The following DYSF variants were observed in gnomAD, a reference collection of about 807,000 sequenced individuals.
DYSF encodes dystrophy-associated fer-1-like 1.
Under a neutral mutation model 274.9 loss-of-function variants are expected in DYSF, and 212 were observed. The observed-to-expected ratio is 0.77, with a 90% CI of 0.69 to 0.86. The LOEUF (loss-of-function observed/expected upper bound fraction) is 0.86. DYSF is among the 40% of genes least tolerant of loss of function. The pLI, the probability that DYSF is intolerant of heterozygous loss-of-function variation, is 0.00. For missense variants in DYSF, 2,666 were observed against 2,783.2 expected (o/e 0.96, Z 0.95); for synonymous variants, 1,091 against 1,078.7 (o/e 1.01, Z -0.22).
chr2:71,615,933 G>C lies in DYSF; in HGVS notation c.4464+2523G>C, dbSNP rs58344325. ...TGCTGGATGTGTTCACTGTGTCCTG[G>C]CTGTGGTCCTAGGACCCCTCCTAGC... is the stretch of plus-strand genomic sequence containing the variant. On this transcript the variant is annotated intron_variant, in intron 40 of 55. Coordinates refer to ENST00000410020, the MANE Select transcript of DYSF (RefSeq NM_001130987.2). This position sits in a 1 kb window ranked among gnomAD's most constrained non-coding sequence, Gnocchi z 4.9. Among the ~76,000 whole-genome samples, 3,557 of 152,278 alleles carry C rather than the reference G, an allele frequency of 0.023. 49 individuals are homozygous for C. Among genetic ancestry groups the C allele is most frequent in the Non-Finnish European group, 0.027 (1,856 of 68,026 alleles).
rs370926761 is a variant in DYSF, at chr2:71,654,061, A to G, written c.4627-2101A>G. ...ACCAAGAAGTCTCTCAAATCACCAC[A>G]GAACAGAAAACAAACACCAACAGAT... On this transcript the variant is annotated intron_variant, in intron 42 of 55. Coordinates refer to ENST00000410020, the MANE Select transcript of DYSF (RefSeq NM_001130987.2). Among the ~76,000 whole-genome samples the G allele has an allele frequency of 2.0e-4, 30 of 152,340 alleles. No homozygotes were observed. The South Asian group carries it at 6.0e-3, about 31-fold the overall frequency.
In DYSF at chr2:71,600,560, A is replaced by G. The variant is rs895328396; in HGVS notation, c.3757-142A>G. ...CCTTGAGTCCTGCTAAGGAGAGCAG[A>G]ATTCACCATTCTGTGGGAGGGGGTG... On this transcript the variant is annotated intron_variant, in intron 33 of 55. Transcript: ENST00000410020. 5 of 1,183,806 alleles carry G rather than the reference A, an allele frequency of 4.2e-6. No homozygotes were observed. In the East Asian group the frequency reaches 1.2e-4, roughly 28 times the overall value. The allele number at this position is 1,183,806 out of a possible 1,614,324, so 73.3% of individuals were successfully genotyped here. A position where few individuals can be genotyped will look rare whatever the true frequency, so the allele number is the denominator to read the frequency against.
intron 42 of DYSF, among the ~76,000 whole-genome samples, chr2:71,648,541 TA>T (rs57928764): frequency 0.85 from 128,931 of 152,068 alleles, 54,803 homozygotes; most frequent in Middle Eastern, 0.9. Context: ...ACCAAAATAG[TA>T]AAAAAAATTA....
intron 24 of DYSF, among the ~76,000 whole-genome samples, chr2:71,567,025 C>G (rs889135127): frequency 6.6e-6 from 1 of 152,218 alleles, no homozygotes; most frequent in African/African-American, 2.4e-5. Context: ...CTGCTCTGAG[C>G]TCATGACACT....
chr2:71,658,799 T>G, intron 43 of DYSF, 79 bp from the exon 44 acceptor site: 1 of 1,572,450 alleles, frequency 6.4e-7, no homozygotes, highest in Non-Finnish European at 8.7e-7. Context: ...ACAATTCAAG[T>G]TGAGATTTGG....
intron 1 of DYSF, among the ~76,000 whole-genome samples, chr2:71,455,038 T>C (rs11888686): frequency 0.098 from 14,990 of 152,218 alleles, 1,481 homozygotes; most frequent in African/African-American, 0.25. Flanking sequence ...GAGATCTGAC[T>C]TCTAACTACA....
At chr2:71,561,145 AC>A (rs1025770768) in intron 22 of DYSF, among the ~76,000 whole-genome samples, 1 of 151,638 alleles carries the variant, frequency 6.6e-6, no homozygotes, top group African/African-American at 2.4e-5. Flanking sequence ...CATTGCATGT[AC>A]CCCCCACCTC....
chr2:71,566,197 CG>C (rs1264851438), intron 24 of DYSF, among the ~76,000 whole-genome samples: 1 of 81,246 alleles, frequency 1.2e-5, no homozygotes, highest in Non-Finnish European at 2.3e-5. Flanking sequence ...TGGGGCTGAC[CG>C]GGGAAGGCGG....
chr2:71,552,819 G>C (rs1311001594), intron 19 of DYSF, among the ~76,000 whole-genome samples, 192 bp from the exon 20 acceptor site: 2 of 152,224 alleles, frequency 1.3e-5, no homozygotes, highest in Non-Finnish European at 2.9e-5. Flanking sequence ...ATGCAGACCT[G>C]GAATGAGCTT....
At chr2:71,548,497 A>G (rs996021207) in intron 17 of DYSF, among the ~76,000 whole-genome samples, 3 of 152,198 alleles carry the variant, frequency 2.0e-5, no homozygotes, top group Non-Finnish European at 4.4e-5. Context: ...GGAAGATCAG[A>G]TTTGGGAAGA....
chr2:71,681,029 T>C lies in DYSF; in HGVS notation c.6092T>C (p.Val2031Ala). The part of the protein sequence containing the change: ...AGKLEMTLEI[V>A]AESEHEERPA... ...AAGCTGGAAATGACCTTGGAGATTG[T>C]AGCAGAGAGTGAGCATGAGGAGCGG... Residue 2031 changes from valine (V) to alanine (A), a missense_variant, in exon 54 of 56, where the codon GTA becomes GCA. Val to Ala is a moderately conservative substitution (Grantham distance 64, BLOSUM62 0). Transcript: ENST00000410020. The C allele has an allele frequency of 6.2e-7, 1 of 1,614,198 alleles. No homozygotes were observed. Among genetic ancestry groups the C allele is most frequent in the Non-Finnish European group, 8.5e-7 (1 of 1,180,038 alleles).
intron 3 of DYSF, among the ~76,000 whole-genome samples, chr2:71,491,119 A>C (rs569347440): frequency 1.3e-5 from 2 of 152,326 alleles, no homozygotes; most frequent in Admixed American, 6.5e-5. Flanking sequence ...AGAACGGACC[A>C]AAAAAAGTTG....
chr2:71,685,473 C>T (rs1019331034), intron 55 of DYSF, among the ~76,000 whole-genome samples: 2 of 152,216 alleles, frequency 1.3e-5, no homozygotes, highest in African/African-American at 4.8e-5. Flanking sequence ...TTCATTTGGC[C>T]AGTACCAGAT....
At chr2:71,500,537 C>T (rs2084877155) in intron 3 of DYSF, among the ~76,000 whole-genome samples, 1 of 152,080 alleles carries the variant, frequency 6.6e-6, no homozygotes, top group Non-Finnish European at 1.5e-5. Flanking sequence ...CAAGAGGCAC[C>T]CCAGGCTGGC....
intron 39 of DYSF, among the ~76,000 whole-genome samples, 155 bp from the exon 40 acceptor site, chr2:71,613,179 G>T (rs2093805091): frequency 6.6e-6 from 1 of 152,050 alleles, no homozygotes; most frequent in African/African-American, 2.4e-5. Flanking sequence ...ATGAGAGAGG[G>T]ACTTATTGGG....
chr2:71,516,940 G>C, intron 9 of DYSF, 49 bp from the exon 10 acceptor site: 1 of 1,585,516 alleles, frequency 6.3e-7, no homozygotes. Flanking sequence ...TTGGCCGTGT[G>C]GGCCACATGT....
chr2:71,458,559 C>T (rs1171708772), intron 1 of DYSF, among the ~76,000 whole-genome samples: 2 of 152,222 alleles, frequency 1.3e-5, no homozygotes, highest in Non-Finnish European at 2.9e-5. Flanking sequence ...GTGGCCCTCA[C>T]TGGGGTACTT....
intron 41 of DYSF, among the ~76,000 whole-genome samples, chr2:71,633,235 G>A (rs969577630): frequency 6.6e-6 from 1 of 152,228 alleles, no homozygotes; most frequent in South Asian, 2.1e-4. Context: ...GGTATACACA[G>A]GGTGGAGTAG....
chr2:71,488,394 C>T (rs1360360315), intron 3 of DYSF, among the ~76,000 whole-genome samples: 1 of 152,088 alleles, frequency 6.6e-6, no homozygotes, highest in African/African-American at 2.4e-5. Context: ...TCCATGGGGT[C>T]AAAACATCCA....
Sources: allele counts gnomAD v4.1 joint callset (sites outside exome capture counted in the v4.1 genomes callset), GRCh38; gene constraint gnomAD v4.1.1; non-coding constraint Gnocchi (gnomAD v3.1); transcripts MANE v1.5; gene names NCBI Gene and HGNC (gene_info 2026-07-23, HGNC 2026-07-21).